The following LRP1B variants were observed in gnomAD, a reference collection of about 807,000 sequenced individuals.
LRP1B encodes the protein LDL receptor related protein 1B, also known as low-density lipoprotein receptor-related protein 1B.
A neutral mutation model predicts 556.6 loss-of-function variants in LRP1B; 217 were observed. The ratio of observed to expected loss-of-function variants is 0.39; its 90% confidence interval spans 0.35 to 0.44. LRP1B has a LOEUF of 0.44. LRP1B is among the 20% of genes least tolerant of loss of function. The probability of loss-of-function intolerance (pLI) is 1.00; values close to 1 mark genes in which losing one functional copy is unlikely to be tolerated. For missense variants in LRP1B, 5,053 were observed against 5,620.8 expected (o/e 0.90, Z 3.23); for synonymous variants, 2,047 against 1,865.8 (o/e 1.10, Z -2.50).
chr2:140,907,797 G>A (rs1480591234), intron 22 of LRP1B, 80 bp downstream of exon 22: 1 of 1,184,402 alleles, frequency 8.4e-7, no homozygotes, highest in Non-Finnish European at 1.3e-6. Context: ...AGGAATGAAT[G>A]CTACTATATT....
At chr2:140,638,760 T>TAC (rs922861381) in intron 41 of LRP1B, among the ~76,000 whole-genome samples, 10 of 151,642 alleles carry the variant, frequency 6.6e-5, no homozygotes, top group Non-Finnish European at 1.2e-4. Context: ...TATAAGTATA[T>TAC]ACACACACAC....
At chr2:140,771,068 T>A in intron 33 of LRP1B, 62 bp from the exon 34 acceptor site, 1 of 1,254,580 alleles carries the variant, frequency 8.0e-7, no homozygotes, top group Admixed American at 2.6e-5. Context: ...AAAGTTTTAT[T>A]TAACGTCAAT....
chr2:141,184,552 C>CT (rs1491091437), intron 7 of LRP1B, among the ~76,000 whole-genome samples: 2 of 151,754 alleles, frequency 1.3e-5, no homozygotes, highest in East Asian at 2.0e-4. Context: ...GATTATACCC[C>CT]TTTTTTTCAA....
intron 84 of LRP1B, among the ~76,000 whole-genome samples, chr2:140,275,489 A>G (rs1230960610): frequency 5.3e-5 from 8 of 151,990 alleles, no homozygotes; most frequent in Non-Finnish European, 1.0e-4. Context: ...AGTCAGCCAC[A>G]TGTGGTGAGC....
chr2:141,793,351 G>A (rs1695685715), intron 2 of LRP1B, among the ~76,000 whole-genome samples: 2 of 152,002 alleles, frequency 1.3e-5, no homozygotes, highest in South Asian at 2.1e-4. Context: ...TGGAATAAAG[G>A]GTAACAGTCT....
intron 60 of LRP1B, among the ~76,000 whole-genome samples, chr2:140,470,719 T>C (rs1687734672): frequency 6.6e-6 from 1 of 150,454 alleles, no homozygotes; most frequent in Non-Finnish European, 1.5e-5. Context: ...AACTGGAGGC[T>C]TAAACTTTTA....
intron 1 of LRP1B, among the ~76,000 whole-genome samples, chr2:141,995,725 TC>T (rs1702471700): frequency 6.6e-6 from 1 of 152,166 alleles, no homozygotes; most frequent in African/African-American, 2.4e-5. Context: ...GGAAATAATA[TC>T]CTATGGGATT....
chr2:140,790,993 T>C (rs958252207), intron 32 of LRP1B, among the ~76,000 whole-genome samples: 2 of 150,876 alleles, frequency 1.3e-5, no homozygotes, highest in African/African-American at 2.4e-5. Flanking sequence ...TGGTGGCTCA[T>C]GCCTGTAATC....
intron 2 of LRP1B, among the ~76,000 whole-genome samples, chr2:141,538,744 T>A (rs1410992617): frequency 1.3e-5 from 2 of 151,892 alleles, no homozygotes; most frequent in East Asian, 3.9e-4. Context: ...ATTCAAGCAA[T>A]TCTTGTGCTT....
chr2:141,049,255 G>A (rs1698968068), intron 10 of LRP1B, 33 bp from the exon 11 acceptor site: 1 of 1,368,860 alleles, frequency 7.3e-7, no homozygotes, highest in African/African-American at 1.4e-5. Context: ...ACAAACAACT[G>A]ATGCTGCTTA....
chr2:140,741,484 T>G (rs940693560), intron 35 of LRP1B, among the ~76,000 whole-genome samples: 8 of 150,024 alleles, frequency 5.3e-5, no homozygotes, highest in African/African-American at 2.0e-4. Context: ...CACACTATTA[T>G]TTTTTTTTTC....
At chr2:140,877,095 G>A (rs1693332618) in intron 25 of LRP1B, among the ~76,000 whole-genome samples, 1 of 150,998 alleles carries the variant, frequency 6.6e-6, no homozygotes. Flanking sequence ...TTCTAATTTG[G>A]AGTCATCAAA....
At chr2:141,673,828 A>G (rs903470806) in intron 2 of LRP1B, among the ~76,000 whole-genome samples, 14 of 151,966 alleles carry the variant, frequency 9.2e-5, no homozygotes, top group Non-Finnish European at 1.9e-4. Flanking sequence ...CACTGCAATG[A>G]TTTTTTTTAA....
intron 2 of LRP1B, among the ~76,000 whole-genome samples, chr2:141,734,623 C>T (rs930958222): frequency 1.1e-4 from 17 of 152,088 alleles, no homozygotes; most frequent in African/African-American, 1.9e-4. Flanking sequence ...TTGGTTTCTG[C>T]GCATTTGTAT....
At chr2:140,782,757 G>A (rs1689745254) in intron 32 of LRP1B, among the ~76,000 whole-genome samples, 1 of 152,068 alleles carries the variant, frequency 6.6e-6, no homozygotes, top group Admixed American at 6.6e-5. Flanking sequence ...AGAGAGAGAA[G>A]GAAAATAATA....
chr2:141,786,997 G>T (rs756255934), intron 2 of LRP1B, among the ~76,000 whole-genome samples: 19 of 151,764 alleles, frequency 1.3e-4, no homozygotes, highest in Non-Finnish European at 2.4e-4. Context: ...ACATCACTTG[G>T]TCATGTTACA....
At chr2:141,408,561 T>C (rs925234897) in intron 3 of LRP1B, among the ~76,000 whole-genome samples, 1 of 152,136 alleles carries the variant, frequency 6.6e-6, no homozygotes, top group Admixed American at 6.6e-5. Flanking sequence ...CTAAAAATAT[T>C]TCTCTAGAAA....
At chr2:141,870,940 G>T (rs1698566591) in intron 1 of LRP1B, among the ~76,000 whole-genome samples, 1 of 151,802 alleles carries the variant, frequency 6.6e-6, no homozygotes, top group Non-Finnish European at 1.5e-5. Context: ...GAGTGCACTA[G>T]TCCCCCCTGG....
intron 55 of LRP1B, among the ~76,000 whole-genome samples, chr2:140,500,418 T>C (rs1689132830): frequency 6.6e-6 from 1 of 152,002 alleles, no homozygotes; most frequent in African/African-American, 2.4e-5. Context: ...ATGCTAAGGC[T>C]GGCAGGAACA....
Sources: gnomAD v4.1 joint callset for allele counts (sites outside exome capture counted in the v4.1 genomes callset) on GRCh38, gnomAD v4.1.1 for gene constraint, MANE v1.5 for transcripts, NCBI Gene and HGNC (gene_info 2026-07-23, HGNC 2026-07-21) for gene names.